Variants in PCDHGB4 observed in about 807,000 individuals in gnomAD.
PCDHGB4 encodes protocadherin gamma-B4.
In PCDHGB4, 38 loss-of-function variants were observed where a neutral mutation model predicts 60.5. The observed-to-expected ratio is 0.63, with a 90% confidence interval of 0.48 to 0.82. The LOEUF is 0.82. Ranked by LOEUF, PCDHGB4 falls within the 40% of genes least tolerant of loss-of-function variation. The pLI is 0.00. For synonymous variants in PCDHGB4, 456 were observed against 509.7 expected (o/e 0.89, Z 1.42); for missense variants, 1,109 against 1,209.6 (o/e 0.92, Z 1.23).
intron 1 of PCDHGB4, among the ~76,000 whole-genome samples, chr5:141,438,591 CATATATATATATATATATAT>C (rs946798767): frequency 2.1e-4 from 16 of 75,572 alleles, no homozygotes; most frequent in Middle Eastern, 0.016. Context: ...TACATACATA[CATATATATATATATATATAT>C]ATATATATAT....
intron 1 of PCDHGB4, chr5:141,427,927 T>C (rs1238523389): frequency 6.3e-7 from 1 of 1,580,112 alleles, no homozygotes; most frequent in Non-Finnish European, 8.7e-7. Context: ...AGCCGGCGCA[T>C]GTTGGTGGGC....
At position 141,491,832 on chromosome 5, in the gene PCDHGB4, C is replaced by T. The variant is rs755882255; in HGVS notation, c.2398-2975C>T. On this transcript the variant is annotated intron_variant, in intron 1 of 3. Coordinates refer to ENST00000519479, the MANE Select transcript of PCDHGB4 (RefSeq NM_003736.4). The surrounding 1 kb of genome is among the most constrained non-coding windows in gnomAD (Gnocchi z 6.9). ...GTCGCTGGCTGCGCTCCACCCGATT[C>T]TCGGGATCATTGGACCGTTTGCGCG... 1.6e-5 allele frequency: 24 copies of T among 1,474,306 alleles called. No individual in the cohort carries two copies. The highest frequency in any genetic ancestry group is 2.0e-5 in the Non-Finnish European group (22 of 1,112,688). 91.3% of individuals were successfully genotyped at this position (1,474,306 alleles called of 1,614,324 possible). A position where few individuals can be genotyped will look rare whatever the true frequency, so the allele number is the denominator to read the frequency against.
At chr5:141,497,223 T>G (rs921763195) in intron 2 of PCDHGB4, among the ~76,000 whole-genome samples, 14 of 151,762 alleles carry the variant, frequency 9.2e-5, no homozygotes, top group African/African-American at 3.4e-4. Context: ...GGGGGGAAGA[T>G]CAGAGAAGGC....
intron 1 of PCDHGB4, among the ~76,000 whole-genome samples, chr5:141,429,387 T>TA (rs11410533): frequency 0.01 from 1,566 of 151,436 alleles, 8 homozygotes; most frequent in Middle Eastern, 0.031. Flanking sequence ...GTTTTTTTTT[T>TA]AAAAAAAATT....
At chr5:141,421,229 T>C (rs776952658) in intron 1 of PCDHGB4, 3 of 1,589,662 alleles carry the variant, frequency 1.9e-6, no homozygotes, top group South Asian at 1.1e-5. Flanking sequence ...GAGCCTGCCA[T>C]GGCGAATCGG....
intron 2 of PCDHGB4, among the ~76,000 whole-genome samples, chr5:141,496,180 GC>G (rs1054381604): frequency 1.4e-4 from 21 of 151,922 alleles, no homozygotes; most frequent in Non-Finnish European, 2.9e-4. Flanking sequence ...CATCCAAGCA[GC>G]CCCAGCTGCT....
intron 2 of PCDHGB4, among the ~76,000 whole-genome samples, chr5:141,495,725 C>G (rs1339925752): frequency 1.3e-5 from 2 of 151,986 alleles, no homozygotes; most frequent in African/African-American, 4.8e-5. Flanking sequence ...TACACGGGAC[C>G]CTTAGTCTCT....
intron 1 of PCDHGB4, chr5:141,412,314 A>G (rs913648948): frequency 6.6e-6 from 1 of 152,240 alleles, no homozygotes; most frequent in African/African-American, 2.4e-5. Flanking sequence ...CAATGCAAAC[A>G]GTTTAATTTG....
chr5:141,423,775 T>A, intron 1 of PCDHGB4: 1 of 1,209,960 alleles, frequency 8.3e-7, no homozygotes, highest in Non-Finnish European at 1.1e-6. Context: ...GCGGCATATA[T>A]TTAGTTCATA....
At chr5:141,478,845 A>G in intron 1 of PCDHGB4, 2 of 1,389,784 alleles carry the variant, frequency 1.4e-6, no homozygotes, top group Non-Finnish European at 9.5e-7. Flanking sequence ...TGGTTAAGCT[A>G]AAACACAAGA....
intron 1 of PCDHGB4, chr5:141,398,072 G>T: frequency 1.9e-6 from 3 of 1,588,646 alleles, no homozygotes; most frequent in Non-Finnish European, 2.6e-6. Context: ...CAATACAGAG[G>T]TTATTTGTAA....
At chr5:141,418,629 C>T in intron 1 of PCDHGB4, 1 of 1,614,014 alleles carries the variant, frequency 6.2e-7, no homozygotes, top group Non-Finnish European at 8.5e-7. Context: ...GACGTGCCTC[C>T]AGGCACCTCC....
At chr5:141,425,957 C>A (rs1317696447) in intron 1 of PCDHGB4, among the ~76,000 whole-genome samples, 1 of 152,140 alleles carries the variant, frequency 6.6e-6, no homozygotes, top group Non-Finnish European at 1.5e-5. Context: ...TACATTAGTC[C>A]AACACATCAG....
chr5:141,434,027 G>A (rs887125944), intron 1 of PCDHGB4, among the ~76,000 whole-genome samples: 3 of 152,130 alleles, frequency 2.0e-5, no homozygotes, highest in Non-Finnish European at 2.9e-5. Flanking sequence ...GATTCTGGAA[G>A]CATGGTTTTC....
At chr5:141,472,295 A>G (rs147192748) in intron 1 of PCDHGB4, among the ~76,000 whole-genome samples, 8,225 of 152,254 alleles carry the variant, frequency 0.054, 462 homozygotes, top group African/African-American at 0.15. Flanking sequence ...TAATCCCAGC[A>G]CTTTGGGAAG....
chr5:141,465,240 G>C (rs569146939), intron 1 of PCDHGB4, among the ~76,000 whole-genome samples: 22 of 152,168 alleles, frequency 1.4e-4, no homozygotes, highest in African/African-American at 5.3e-4. Flanking sequence ...TCAAGTTCAA[G>C]GCACTTTTGT....
rs750401937 is a variant in PCDHGB4 at position 141,487,357 on chromosome 5, T to G, written c.2398-7450T>G. 5.0e-6 allele frequency: 8 copies of G among 1,614,212 alleles called. No homozygotes were observed. The highest frequency in any genetic ancestry group is 6.8e-6 in the Non-Finnish European group (8 of 1,180,032). ...CCTGTGGAGTCACATGCTTTCCTGC[T>G]GGCACCTGTGCCTGTCTCACCAGAT... On this transcript the variant is annotated intron_variant, in intron 1 of 3. Transcript: ENST00000519479. This position sits in a 1 kb window ranked among gnomAD's most constrained non-coding sequence, Gnocchi z 5.0.
chr5:141,496,554 G>T (rs2099769470), intron 2 of PCDHGB4, among the ~76,000 whole-genome samples: 1 of 152,160 alleles, frequency 6.6e-6, no homozygotes, highest in Non-Finnish European at 1.5e-5. Context: ...TTCTGGGCAT[G>T]CACAGTCCTG....
chr5:141,398,985 A>T, intron 1 of PCDHGB4: 1 of 1,613,964 alleles, frequency 6.2e-7, no homozygotes, highest in Non-Finnish European at 8.5e-7. Flanking sequence ...GAACCGGGCA[A>T]ATCTTTAGTC....
Sources: gnomAD v4.1 joint callset for allele counts (sites outside exome capture counted in the v4.1 genomes callset) on GRCh38, gnomAD v4.1.1 for gene constraint, Gnocchi (gnomAD v3.1) non-coding constraint, MANE v1.5 for transcripts, NCBI Gene and HGNC (gene_info 2026-07-23, HGNC 2026-07-21) for gene names.